Variants in TTC7A observed in about 807,000 individuals in gnomAD.
The protein encoded by TTC7A is tetratricopeptide repeat domain 7A.
A neutral mutation model predicts 103.7 loss-of-function variants in TTC7A; 110 were observed. The ratio of observed to expected loss-of-function variants is 1.06; its 90% confidence interval spans 0.91 to 1.24. The LOEUF (loss-of-function observed/expected upper bound fraction) is 1.24, where lower values mean the gene tolerates loss of function less well. Among genes scored for constraint, TTC7A ranks in the 50% most tolerant of loss-of-function variants. The pLI, the probability that TTC7A is intolerant of heterozygous loss-of-function variation, is 0.00. For missense variants in TTC7A, 1,340 were observed against 1,116.3 expected (o/e 1.20, Z -2.86); for synonymous variants, 521 against 467.9 (o/e 1.11, Z -1.47).
intron 1 of TTC7A, among the ~76,000 whole-genome samples, chr2:46,949,139 C>T (rs1309300439): frequency 4.6e-5 from 7 of 152,204 alleles, no homozygotes; most frequent in South Asian, 4.1e-4. Context: ...CTCCCATGCT[C>T]GAGCCACCTC....
At chr2:46,917,172 CT>C in intron 1 of TTC7A, 1 of 696,520 alleles carries the variant, frequency 1.4e-6, no homozygotes, top group Middle Eastern at 2.7e-4. Context: ...ATTTTTTTTT[CT>C]TTTTTTAAAG....
chr2:47,039,501 G>A (rs1402739988), intron 15 of TTC7A, among the ~76,000 whole-genome samples: 1 of 152,184 alleles, frequency 6.6e-6, no homozygotes, highest in East Asian at 1.9e-4. Context: ...CCAGGACTGT[G>A]CTTGGCTTAG....
chr2:46,987,135 G>A (rs994355885), intron 5 of TTC7A, among the ~76,000 whole-genome samples: 6 of 152,308 alleles, frequency 3.9e-5, no homozygotes, highest in Non-Finnish European at 7.4e-5. Flanking sequence ...GTGCAAAAGA[G>A]CCCTCGGTGG....
At chr2:47,071,472 TTGCTGTC>T (rs1164366235) in intron 19 of TTC7A, among the ~76,000 whole-genome samples, 1 of 152,196 alleles carries the variant, frequency 6.6e-6, no homozygotes. Flanking sequence ...GCGCTGCTGT[TTGCTGTC>T]TGCCCCCGCG....
At chr2:46,919,767 C>T (rs753960397) in intron 2 of TTC7A, among the ~76,000 whole-genome samples, 109 of 152,148 alleles carry the variant, frequency 7.2e-4, no homozygotes, top group Non-Finnish European at 9.7e-4. Flanking sequence ...AACAAGGGTG[C>T]GGCTTCCAGA....
chr2:46,962,328 C>T (rs1558512786), intron 3 of TTC7A, among the ~76,000 whole-genome samples: 3 of 152,210 alleles, frequency 2.0e-5, no homozygotes, highest in Non-Finnish European at 4.4e-5. Context: ...TCGTCTCCCT[C>T]CTCCCAGCTC....
At chr2:46,946,540 C>T (rs777615213) in intron 1 of TTC7A, among the ~76,000 whole-genome samples, 9 of 152,178 alleles carry the variant, frequency 5.9e-5, no homozygotes, top group African/African-American at 1.2e-4. Flanking sequence ...CCTTCCACCT[C>T]AGCCTTCCAA....
At chr2:47,053,844 G>T (rs763751676) in intron 18 of TTC7A, among the ~76,000 whole-genome samples, 1 of 152,220 alleles carries the variant, frequency 6.6e-6, no homozygotes, top group Non-Finnish European at 1.5e-5. Context: ...AAAGTGCTGG[G>T]ATTACAGGCG....
chr2:47,073,812 G>A lies in TTC7A; in HGVS notation c.2466G>A (p.Val822=). 1 of 1,613,716 alleles carries A rather than the reference G, an allele frequency of 6.2e-7. No individual in the cohort carries two copies. Among genetic ancestry groups the A allele is most frequent in the Non-Finnish European group, 8.5e-7 (1 of 1,179,986 alleles). The part of the protein sequence containing the change: ...CHEAWQGLGE[V]LQAQGQNEAA... ...AGGCGTGGCAGGGCCTGGGCGAGGT[G>A]CTGCAGGCCCAGGGCCAGAACGAGG... The change falls in exon 20 of 20, where the codon GTG becomes GTA. Residue 822 remains valine, a synonymous_variant. Coordinates refer to ENST00000319190, the MANE Select transcript of TTC7A (RefSeq NM_020458.4).
intron 5 of TTC7A, among the ~76,000 whole-genome samples, chr2:46,990,545 A>G (rs1675521837): frequency 6.6e-6 from 1 of 152,214 alleles, no homozygotes; most frequent in Non-Finnish European, 1.5e-5. Context: ...GTCAGAACAT[A>G]AGTCATATGA....
intron 3 of TTC7A, among the ~76,000 whole-genome samples, chr2:46,964,274 G>A (rs1160440828): frequency 6.6e-6 from 1 of 152,208 alleles, no homozygotes; most frequent in African/African-American, 2.4e-5. Context: ...GAAGGCCAAA[G>A]GGAAGCCCCG....
chr2:47,007,936 A>G lies in TTC7A; in HGVS notation c.1287+1212A>G, dbSNP rs1302241832. On this transcript the variant is annotated intron_variant, in intron 10 of 19. Transcript: ENST00000319190. The surrounding 1 kb of genome is among the most constrained non-coding windows in gnomAD (Gnocchi z 4.9). Reference sequence around the variant, plus strand: ...GGCCCTGGCCCTCCAAGGGTTAGAGAGTGAGAGAAACCCTCCTACAGAACT... The same window carrying G: ...GGCCCTGGCCCTCCAAGGGTTAGAGGGTGAGAGAAACCCTCCTACAGAACT... Among the ~76,000 whole-genome samples the G allele has an allele frequency of 2.0e-5, 3 of 152,228 alleles. No homozygotes were observed. The highest frequency in any genetic ancestry group is 7.2e-5 in the African/African-American group (3 of 41,462).
chr2:46,917,043 A>T, intron 1 of TTC7A: 1 of 621,060 alleles, frequency 1.6e-6, no homozygotes, highest in Non-Finnish European at 2.8e-6. Flanking sequence ...GTGGCTAAGT[A>T]GTTAGATGCC....
chr2:47,073,987 A>G lies in TTC7A; in HGVS notation c.*64A>G. 1 of 1,372,448 alleles carries G rather than the reference A, an allele frequency of 7.3e-7. No individual in the cohort carries two copies. The allele number at this position is 1,372,448 out of a possible 1,614,324, so 85.0% of individuals were successfully genotyped here. A position where few individuals can be genotyped will look rare whatever the true frequency, so the allele number is the denominator to read the frequency against. The stretch of plus-strand genomic sequence containing the variant: ...GGAGAGGCAGCAGGGAACGTGGGTC[A>G]GGGTGGGGCAACAGTGGCATCAGGT... On this transcript the variant is annotated 3_prime_UTR_variant, in exon 20 of 20. Transcript: ENST00000319190.
At chr2:46,985,068 G>A (rs1375924674) in intron 5 of TTC7A, among the ~76,000 whole-genome samples, 4 of 152,164 alleles carry the variant, frequency 2.6e-5, no homozygotes, top group South Asian at 4.1e-4. Context: ...CTGAGGCCAC[G>A]CATGAGGGTT....
chr2:47,028,504 A>G (rs1384175845), intron 14 of TTC7A, among the ~76,000 whole-genome samples: 1 of 152,136 alleles, frequency 6.6e-6, no homozygotes, highest in African/African-American at 2.4e-5. Flanking sequence ...TCTTTCATGC[A>G]GTGCTCCGAG....
intron 11 of TTC7A, among the ~76,000 whole-genome samples, chr2:47,015,077 C>T (rs1025580552): frequency 2.0e-5 from 3 of 152,214 alleles, no homozygotes; most frequent in Non-Finnish European, 4.4e-5. Context: ...AGCACTGACC[C>T]TGGGGCTTAT....
intron 3 of TTC7A, among the ~76,000 whole-genome samples, chr2:46,966,984 G>A (rs942713083): frequency 6.6e-6 from 1 of 151,718 alleles, no homozygotes; most frequent in Non-Finnish European, 1.5e-5. Context: ...AGGCTGAGGC[G>A]GGTGGATCAC....
At chr2:46,949,932 A>G (rs1431105536) in intron 1 of TTC7A, among the ~76,000 whole-genome samples, 1 of 152,356 alleles carries the variant, frequency 6.6e-6, no homozygotes, top group Admixed American at 6.5e-5. Flanking sequence ...ATGGTTACAT[A>G]GAAATTAGGA....
Sources: allele counts gnomAD v4.1 joint callset (sites outside exome capture counted in the v4.1 genomes callset), GRCh38; gene constraint gnomAD v4.1.1; non-coding constraint Gnocchi (gnomAD v3.1); transcripts MANE v1.5; gene names NCBI Gene and HGNC (gene_info 2026-07-23, HGNC 2026-07-21).